CUL3: variants seen among roughly 807,000 people sequenced by gnomAD.
The protein encoded by CUL3 is cullin 3.
In CUL3, 19 loss-of-function variants were observed where a neutral mutation model predicts 89.1. That is an observed-to-expected ratio of 0.21 (90% CI 0.15 to 0.31). The LOEUF (loss-of-function observed/expected upper bound fraction) is 0.31. Among genes scored for constraint, CUL3 ranks in the 10% least tolerant of loss-of-function variants. The probability of loss-of-function intolerance (pLI) is 1.00; values close to 1 mark genes in which losing one functional copy is unlikely to be tolerated. For synonymous variants in CUL3, 351 were observed against 308.4 expected (o/e 1.14, Z -1.45); for missense variants, 469 against 942.3 (o/e 0.50, Z 6.58).
At chr2:224,474,446 T>C (rs1691244107) in intron 15 of CUL3, 70 bp from the exon 16 acceptor site, 12 of 1,334,254 alleles carry the variant, frequency 9.0e-6, no homozygotes, top group African/African-American at 2.9e-5. Flanking sequence ...AGAACTGATA[T>C]GTCATTTTAA....
At chr2:224,484,445 A>G (rs1186365810) in intron 13 of CUL3, among the ~76,000 whole-genome samples, 1 of 151,936 alleles carries the variant, frequency 6.6e-6, no homozygotes, top group African/African-American at 2.4e-5. Flanking sequence ...TTTATACTCA[A>G]TTGTTTGCCT....
In CUL3 at chr2:224,575,954, A is replaced by G. The variant is rs547712476; in HGVS notation, c.66+8990T>C. On this transcript the variant is annotated intron_variant, in intron 1 of 15. Transcript: ENST00000264414. ...AATTGAATAAATGAATGACTTCCAC[A>G]TGCAATGAACAAAATTAAAATAGAG... is the stretch of plus-strand genomic sequence containing the variant. Among the ~76,000 whole-genome samples the G allele has an allele frequency of 2.9e-4, 44 of 152,344 alleles. 1 individual carries two copies. Among genetic ancestry groups the G allele is most frequent in the Admixed American group, 3.9e-4 (6 of 15,302 alleles).
At chr2:224,574,952 T>C (rs1695266546) in intron 1 of CUL3, among the ~76,000 whole-genome samples, 1 of 152,096 alleles carries the variant, frequency 6.6e-6, no homozygotes, top group South Asian at 2.1e-4. Context: ...AATTATGCTC[T>C]AAAAAAGGAA....
chr2:224,534,330 G>A (rs1693803094), intron 3 of CUL3, among the ~76,000 whole-genome samples: 1 of 152,138 alleles, frequency 6.6e-6, no homozygotes. Flanking sequence ...GTGAAAAATG[G>A]AATATACATG....
chr2:224,542,013 T>C (rs762843732), intron 2 of CUL3, among the ~76,000 whole-genome samples: 2 of 152,188 alleles, frequency 1.3e-5, no homozygotes, highest in Non-Finnish European at 2.9e-5. Flanking sequence ...TTCAGAGATA[T>C]ATGAAAATAA....
At chr2:224,547,229 C>G (rs996807050) in intron 2 of CUL3, among the ~76,000 whole-genome samples, 1 of 152,076 alleles carries the variant, frequency 6.6e-6, no homozygotes, top group Non-Finnish European at 1.5e-5. Flanking sequence ...ACACTCAAAT[C>G]CCCTACAATG....
At chr2:224,477,000 A>T (rs1268910190) in intron 15 of CUL3, among the ~76,000 whole-genome samples, 1 of 152,236 alleles carries the variant, frequency 6.6e-6, no homozygotes, top group East Asian at 1.9e-4. Context: ...GAGTCCAATG[A>T]AAATGTCTGA....
At chr2:224,496,202 T>G (rs1692165826) in intron 12 of CUL3, among the ~76,000 whole-genome samples, 1 of 152,194 alleles carries the variant, frequency 6.6e-6, no homozygotes, top group Non-Finnish European at 1.5e-5. Context: ...AGCTAACTTT[T>G]GTATTTTTTG....
chr2:224,531,105 G>GTTT (rs1693681398), intron 3 of CUL3, among the ~76,000 whole-genome samples: 1 of 69,888 alleles, frequency 1.4e-5, no homozygotes, highest in African/African-American at 6.2e-5. Context: ...TTTTTTTTTT[G>GTTT]AGATAAGAGT....
chr2:224,578,218 A>T (rs1695353603), intron 1 of CUL3, among the ~76,000 whole-genome samples: 1 of 152,184 alleles, frequency 6.6e-6, no homozygotes. Flanking sequence ...TTTAACAGAA[A>T]AAATATGGAC....
intron 13 of CUL3, chr2:224,495,265 G>A (rs111985907): frequency 1.3e-5 from 2 of 152,396 alleles, no homozygotes; most frequent in African/African-American, 4.8e-5. Context: ...AAATGGTATA[G>A]TTGCTTTGGG....
In CUL3 at chr2:224,471,554, G is replaced by A; in HGVS notation, c.*2691C>T. On this transcript the variant is annotated 3_prime_UTR_variant, in exon 16 of 16. Transcript: ENST00000264414. ...TTCTTACAGAGAAGGCCTATCATCA[G>A]CATCTTGGGGGTTTGATAGTACATA... 1 of 196,204 alleles carries A rather than the reference G, an allele frequency of 5.1e-6. No individual in the cohort carries two copies. Among genetic ancestry groups the A allele is most frequent in the African/African-American group, 2.3e-5 (1 of 43,366 alleles). The allele number at this position is 196,204 out of a possible 1,614,324, so 12.2% of individuals were successfully genotyped here.
In CUL3 at chr2:224,496,382, A is replaced by G. The variant is rs555570027; in HGVS notation, c.1708-416T>C. Among the ~76,000 whole-genome samples the G allele has an allele frequency of 3.3e-5, 5 of 152,320 alleles. No homozygotes were observed. The South Asian group carries it at 1.0e-3, about 32-fold the overall frequency. ...TTCAGAAATAGGTCCCATAATCTCCATCCTCCCCCAACAAAACTACATAAC... is the reference window on the plus strand; with the variant it reads ...TTCAGAAATAGGTCCCATAATCTCCGTCCTCCCCCAACAAAACTACATAAC... On this transcript the variant is annotated intron_variant, in intron 12 of 15. Transcript: ENST00000264414.
At chr2:224,581,447 T>G (rs77530476) in intron 1 of CUL3, among the ~76,000 whole-genome samples, 4,156 of 151,740 alleles carry the variant, frequency 0.027, 187 homozygotes, top group African/African-American at 0.095. Flanking sequence ...AGTAATCATG[T>G]CAGAATGTAT....
intron 10 of CUL3, among the ~76,000 whole-genome samples, chr2:224,502,102 T>A (rs1484419111): frequency 6.6e-6 from 1 of 152,128 alleles, no homozygotes; most frequent in Admixed American, 6.5e-5. Context: ...TACATTAGAG[T>A]CAGAATGTTT....
At chr2:224,574,825 G>T (rs952972490) in intron 1 of CUL3, among the ~76,000 whole-genome samples, 2 of 152,190 alleles carry the variant, frequency 1.3e-5, no homozygotes, top group Admixed American at 6.5e-5. Context: ...ATCTTAAAGA[G>T]GAGGAAACAA....
At chr2:224,525,356 AATGT>A (rs1693432127) in intron 3 of CUL3, among the ~76,000 whole-genome samples, 1 of 152,212 alleles carries the variant, frequency 6.6e-6, no homozygotes, top group Non-Finnish European at 1.5e-5. Context: ...TTATTCAGTA[AATGT>A]ATGATTTTGG....
rs934608826 is a variant in CUL3 at position 224,511,616 on chromosome 2, T to C, written c.655-34A>G. The C allele has an allele frequency of 2.5e-5, 31 of 1,253,442 alleles. No homozygotes were observed. The Middle Eastern group carries it at 1.0e-3, about 41-fold the overall frequency. 77.6% of individuals were successfully genotyped at this position (1,253,442 alleles called of 1,614,324 possible). ...TAAAAATATATATATTTTTTAAACA[T>C]AGAAGAAAAGAGTGTTTTTGCTTTT... On this transcript the variant is annotated intron_variant, in intron 5 of 15. Transcript: ENST00000264414.
chr2:224,520,253 G>T (rs1345588326), intron 3 of CUL3, among the ~76,000 whole-genome samples: 1 of 152,166 alleles, frequency 6.6e-6, no homozygotes, highest in Non-Finnish European at 1.5e-5. Flanking sequence ...TCTCTCAAGG[G>T]TTGCTATTCC....
Sources: gnomAD v4.1 joint callset for allele counts (sites outside exome capture counted in the v4.1 genomes callset) on GRCh38, gnomAD v4.1.1 for gene constraint, MANE v1.5 for transcripts, NCBI Gene and HGNC (gene_info 2026-07-23, HGNC 2026-07-21) for gene names.